Variants in CALN1 observed in about 807,000 individuals in gnomAD.
CALN1 encodes the protein calcium-binding protein 8.
In CALN1, 17 loss-of-function variants were observed where a neutral mutation model predicts 30.6. That is an observed-to-expected ratio of 0.56 (90% CI 0.38 to 0.83). The LOEUF is 0.83. Ranked by LOEUF, CALN1 falls within the 40% of genes least tolerant of loss-of-function variation. CALN1 has a pLI of 0.00. For synonymous variants in CALN1, 156 were observed against 131.4 expected, an observed-to-expected ratio of 1.19 and a Z score of -1.28; for missense variants, 291 against 354.9, an observed-to-expected ratio of 0.82 and a Z score of 1.45.
At chr7:71,924,352 G>C (rs1795147030) in intron 5 of CALN1, among the ~76,000 whole-genome samples, 1 of 151,816 alleles carries the variant, frequency 6.6e-6, no homozygotes. Context: ...TCCAGATATA[G>C]AATATATTTC....
rs189787955 is a variant in CALN1, at chr7:72,358,850, C to T, written c.119+44401G>A. ...TATAATGCCTGTAATCCCAGCTACT[C>T]GGTAGGCTGAGGCAGGAGAATCGTT... On this transcript the variant is annotated intron_variant, in intron 2 of 6. Coordinates refer to ENST00000395275, the MANE Select transcript of CALN1 (RefSeq NM_031468.4). Among the ~76,000 whole-genome samples, 365 of 151,848 alleles carry T rather than the reference C, an allele frequency of 2.4e-3. 1 individual carries two copies. Among genetic ancestry groups the T allele is most frequent in the African/African-American group, 8.5e-3 (352 of 41,406 alleles).
At chr7:72,278,635 A>G in intron 3 of CALN1, 51 bp downstream of exon 3, 1 of 1,589,328 alleles carries the variant, frequency 6.3e-7, no homozygotes, top group South Asian at 1.1e-5. Flanking sequence ...AATAGCCAGA[A>G]ACACCTCCCT....
chr7:72,317,048 G>GAGAAAGAGAGACACAGAAAGAGAGACAC (rs1554366996), intron 2 of CALN1, among the ~76,000 whole-genome samples: 1 of 141,854 alleles, frequency 7.0e-6, no homozygotes, highest in Non-Finnish European at 1.5e-5. Context: ...AAGAGAGAGA[G>GAGAAAGAGAGACACAGAAAGAGAGACAC]AGAAAGAGAG....
rs372683511 is a variant in CALN1, at chr7:72,106,314, A to G, written c.245-20T>C. On this transcript the variant is annotated intron_variant, in intron 3 of 6. Coordinates refer to ENST00000395275, the MANE Select transcript of CALN1 (RefSeq NM_031468.4). ...GGATTTCTACAATGGAAAAGCAAAGAAAGTCCAGTGGTCACATGGCTGGCT... is the reference window on the plus strand; with the variant it reads ...GGATTTCTACAATGGAAAAGCAAAGGAAGTCCAGTGGTCACATGGCTGGCT... The G allele has an allele frequency of 8.7e-6, 14 of 1,613,424 alleles. No homozygotes were observed. The African/African-American group carries it at 1.1e-4, about 12-fold the overall frequency.
intron 2 of CALN1, among the ~76,000 whole-genome samples, chr7:72,286,959 G>C (rs1672146071): frequency 6.6e-6 from 1 of 152,104 alleles, no homozygotes; most frequent in East Asian, 1.9e-4. Flanking sequence ...AAAAAGAAAA[G>C]GCAATAAGCT....
At chr7:72,043,336 A>C (rs1337776991) in intron 4 of CALN1, among the ~76,000 whole-genome samples, 1 of 152,194 alleles carries the variant, frequency 6.6e-6, no homozygotes, top group East Asian at 1.9e-4. Context: ...AACCCCCAGG[A>C]AGCCCATTTC....
chr7:72,196,639 C>T (rs1174724660), intron 3 of CALN1, among the ~76,000 whole-genome samples: 1 of 152,178 alleles, frequency 6.6e-6, no homozygotes, highest in Non-Finnish European at 1.5e-5. Flanking sequence ...TCTAGAGAAG[C>T]ACACTGGGAG....
chr7:72,449,901 A>AAG (rs1808627480), upstream of CALN1, among the ~76,000 whole-genome samples: 1 of 146,994 alleles, frequency 6.8e-6, no homozygotes, highest in African/African-American at 2.6e-5. Flanking sequence ...AAAAAAAAAA[A>AAG]AGAATATTCG....
chr7:72,470,091 T>C, the CALN1 span, among the ~76,000 whole-genome samples: 58 of 152,196 alleles, frequency 3.8e-4, no homozygotes, highest in Non-Finnish European at 7.9e-4. Context: ...TGAACCATTT[T>C]ACATTCCCAC....
At chr7:72,196,491 T>C (rs1791011062) in intron 3 of CALN1, among the ~76,000 whole-genome samples, 1 of 139,414 alleles carries the variant, frequency 7.2e-6, no homozygotes, top group Admixed American at 7.2e-5. Flanking sequence ...TACGGGATTG[T>C]ACAAAAAGTC....
At chr7:72,027,853 C>T (rs1240067727) in intron 4 of CALN1, among the ~76,000 whole-genome samples, 5 of 150,616 alleles carry the variant, frequency 3.3e-5, no homozygotes, top group Admixed American at 6.6e-5. Context: ...GTCAGGAGAT[C>T]GAGACCATCC....
Position 72,066,995 on chromosome 7 carries a change from C to T in CALN1, c.388+39156G>A, listed in dbSNP as rs186184568. ...GTAGAGATGGGGTTTTACCATGTTGCCCAGGGTGGTTTTGAACTCCTGAGC... is the reference window on the plus strand; with the variant it reads ...GTAGAGATGGGGTTTTACCATGTTGTCCAGGGTGGTTTTGAACTCCTGAGC... On this transcript the variant is annotated intron_variant, in intron 4 of 6. Coordinates refer to ENST00000395275, the MANE Select transcript of CALN1 (RefSeq NM_031468.4). 2.2e-3 allele frequency among the ~76,000 whole-genome samples: 333 copies of T among 151,104 alleles called. 2 individuals are homozygous for T. The highest frequency in any genetic ancestry group is 7.7e-3 in the African/African-American group (315 of 41,092).
intron 5 of CALN1, among the ~76,000 whole-genome samples, chr7:71,960,792 G>A (rs1316471189): frequency 2.6e-5 from 4 of 152,042 alleles, no homozygotes; most frequent in African/African-American, 7.2e-5. Context: ...TTACCTGGTC[G>A]TGATATTAAG....
At chr7:71,872,623 T>C (rs1275807081) in intron 5 of CALN1, among the ~76,000 whole-genome samples, 2 of 151,988 alleles carry the variant, frequency 1.3e-5, no homozygotes, top group African/African-American at 2.4e-5. Context: ...TTTTTTTCTT[T>C]TTTTTTTTGA....
chr7:72,087,435 G>A (rs1361202826), intron 4 of CALN1, among the ~76,000 whole-genome samples: 1 of 152,160 alleles, frequency 6.6e-6, no homozygotes, highest in African/African-American at 2.4e-5. Flanking sequence ...GGGAGGCTGA[G>A]GCAGCCACCA....
intron 2 of CALN1, among the ~76,000 whole-genome samples, chr7:72,369,361 T>TTTGTTGTTGTA (rs1562927720): frequency 7.8e-6 from 1 of 128,462 alleles, no homozygotes; most frequent in Non-Finnish European, 1.8e-5. Context: ...TTTATTTTTT[T>TTTGTTGTTGTA]GTTGTTGTTG....
chr7:72,227,271 G>A lies in CALN1; in HGVS notation c.244+51415C>T, dbSNP rs186751391. Among the ~76,000 whole-genome samples the A allele has an allele frequency of 6.7e-4, 102 of 151,648 alleles. 1 individual carries two copies. The East Asian group carries it at 0.019, about 29-fold the overall frequency. On this transcript the variant is annotated intron_variant, in intron 3 of 6. Transcript: ENST00000395275. ...AAAAAAGAGGGCAGCCGGGAGTGGT[G>A]GCCTACGTCTGTAATCTCAGAACTT... is the stretch of plus-strand genomic sequence containing the variant.
intron 5 of CALN1, among the ~76,000 whole-genome samples, chr7:72,015,259 G>A (rs1800310514): frequency 2.0e-5 from 3 of 152,144 alleles, no homozygotes; most frequent in Admixed American, 2.0e-4. Context: ...CAAATGTCAG[G>A]CTCATTAAAA....
At chr7:72,239,197 G>C (rs1253097154) in intron 3 of CALN1, among the ~76,000 whole-genome samples, 2 of 152,152 alleles carry the variant, frequency 1.3e-5, no homozygotes, top group Admixed American at 1.3e-4. Context: ...AGGAGCTTGA[G>C]ACCAGCCTGG....
Sources: allele counts gnomAD v4.1 joint callset (sites outside exome capture counted in the v4.1 genomes callset), GRCh38; gene constraint gnomAD v4.1.1; transcripts MANE v1.5; gene names NCBI Gene and HGNC (gene_info 2026-07-23, HGNC 2026-07-21).